LDLRAD4: variants seen among roughly 807,000 people sequenced by gnomAD.
The protein encoded by LDLRAD4 is low density lipoprotein receptor class A domain containing 4.
Under a neutral mutation model 17.0 loss-of-function variants are expected in LDLRAD4, and 5 were observed. That is an observed-to-expected ratio of 0.29 (90% CI 0.15 to 0.62). The LOEUF is 0.62. Ranked by LOEUF, LDLRAD4 falls within the 20% of genes least tolerant of loss-of-function variation. The probability of loss-of-function intolerance (pLI) is 0.84; values close to 1 mark genes in which losing one functional copy is unlikely to be tolerated. For missense variants in LDLRAD4, 340 were observed against 424.7 expected (o/e 0.80, Z 1.75); for synonymous variants, 168 against 171.8 (o/e 0.98, Z 0.17).
At chr18:13,301,831 G>A (rs2046621693) in intron 1 of LDLRAD4, among the ~76,000 whole-genome samples, 2 of 152,146 alleles carry the variant, frequency 1.3e-5, no homozygotes, top group South Asian at 4.1e-4. Context: ...TTCTCTGCAG[G>A]GTCTGAGGTG....
intron 1 of LDLRAD4, among the ~76,000 whole-genome samples, chr18:13,283,295 T>C (rs559034735): frequency 6.6e-6 from 1 of 152,360 alleles, no homozygotes; most frequent in Admixed American, 6.5e-5. Flanking sequence ...TCTTTTCTAT[T>C]GCATAGTCAG....
chr18:13,317,759 C>T (rs2081006992), intron 1 of LDLRAD4, among the ~76,000 whole-genome samples: 1 of 152,222 alleles, frequency 6.6e-6, no homozygotes, highest in Admixed American at 6.5e-5. Context: ...AAGAATAACC[C>T]AAAATATAAG....
At chr18:13,309,430 T>A (rs1222297442) in intron 1 of LDLRAD4, among the ~76,000 whole-genome samples, 1 of 152,212 alleles carries the variant, frequency 6.6e-6, no homozygotes, top group African/African-American at 2.4e-5. Context: ...AAGTAATTAT[T>A]AGATGTGCCA....
chr18:13,321,861 CAAAAA>C (rs57033432), intron 1 of LDLRAD4, among the ~76,000 whole-genome samples: 11 of 62,140 alleles, frequency 1.8e-4, no homozygotes, highest in African/African-American at 6.4e-4. Context: ...GACTCCGTCT[CAAAAA>C]AAAAAAAAAA....
intron 3 of LDLRAD4, among the ~76,000 whole-genome samples, chr18:13,599,989 T>C (rs2095142362): frequency 1.3e-5 from 2 of 152,222 alleles, no homozygotes; most frequent in Non-Finnish European, 2.9e-5. Context: ...TATATATCTT[T>C]TAAAAATAGA....
intron 1 of LDLRAD4, among the ~76,000 whole-genome samples, chr18:13,256,237 G>A (rs946444583): frequency 2.0e-5 from 3 of 152,186 alleles, no homozygotes; most frequent in Non-Finnish European, 4.4e-5. Flanking sequence ...CTGGATGTAG[G>A]GGGAGGCTTG....
Position 13,631,377 on chromosome 18 carries a change from C to G in LDLRAD4, c.336+10106C>G, listed in dbSNP as rs2041649131. ...AGATTGAACCAATGGTCTAAAATCT[C>G]CAACCTGGACCACATGGCTTCAGTG... On this transcript the variant is annotated intron_variant, in intron 4 of 5. Transcript: ENST00000359446. 3.3e-5 allele frequency among the ~76,000 whole-genome samples: 5 copies of G among 152,114 alleles called. No individual in the cohort carries two copies. The South Asian group carries it at 1.0e-3, about 32-fold the overall frequency.
chr18:13,377,250 C>A (rs1053563102), intron 1 of LDLRAD4, among the ~76,000 whole-genome samples: 1 of 152,208 alleles, frequency 6.6e-6, no homozygotes, highest in Non-Finnish European at 1.5e-5. Flanking sequence ...CTTCAGACAT[C>A]GGCTGAAATA....
intron 3 of LDLRAD4, among the ~76,000 whole-genome samples, chr18:13,619,806 C>T (rs1463317460): frequency 6.6e-6 from 1 of 152,140 alleles, no homozygotes; most frequent in Non-Finnish European, 1.5e-5. Flanking sequence ...TCCCACCAGC[C>T]TGGCCTCTCC....
chr18:13,249,116 T>G (rs562860300), intron 1 of LDLRAD4, among the ~76,000 whole-genome samples: 1 of 152,382 alleles, frequency 6.6e-6, no homozygotes, highest in South Asian at 2.1e-4. Flanking sequence ...CGCCATGGTG[T>G]ATATGTTCCA....
intron 2 of LDLRAD4, among the ~76,000 whole-genome samples, chr18:13,429,463 T>A (rs1004754920): frequency 3.9e-5 from 6 of 152,190 alleles, no homozygotes; most frequent in African/African-American, 1.4e-4. Context: ...ATATAATCAG[T>A]GTGTGTCAAA....
At chr18:13,606,359 C>G (rs191449585) in intron 3 of LDLRAD4, among the ~76,000 whole-genome samples, 1 of 152,290 alleles carries the variant, frequency 6.6e-6, no homozygotes, top group East Asian at 1.9e-4. Flanking sequence ...AACATAAACT[C>G]AAATCTGCTA....
At chr18:13,277,925 A>G (rs777616900), upstream of LDLRAD4, among the ~76,000 whole-genome samples, 78 of 152,116 alleles carry the variant, frequency 5.1e-4, no homozygotes, top group Non-Finnish European at 6.8e-4. Context: ...CTGTGCTGTA[A>G]TTCTTCTCTC....
At chr18:13,442,348 A>G (rs1422040807) in intron 3 of LDLRAD4, among the ~76,000 whole-genome samples, 4 of 152,272 alleles carry the variant, frequency 2.6e-5, no homozygotes, top group Admixed American at 1.3e-4. Flanking sequence ...GGGGATAGAG[A>G]GATTCATCCT....
chr18:13,369,696 C>G (rs909595794), intron 1 of LDLRAD4, among the ~76,000 whole-genome samples: 1 of 152,204 alleles, frequency 6.6e-6, no homozygotes, highest in South Asian at 2.1e-4. Context: ...ACTGCAGCAC[C>G]TTGGATAAAT....
chr18:13,572,693 A>G (rs1462037347), intron 3 of LDLRAD4, among the ~76,000 whole-genome samples: 1 of 152,184 alleles, frequency 6.6e-6, no homozygotes, highest in African/African-American at 2.4e-5. Context: ...AGAGATCACC[A>G]TTTTTTAGTT....
intron 1 of LDLRAD4, among the ~76,000 whole-genome samples, chr18:13,224,636 C>T (rs1413525382): frequency 1.3e-5 from 2 of 151,720 alleles, no homozygotes; most frequent in Non-Finnish European, 2.9e-5. Context: ...CGTGCCACCA[C>T]GCCCGGCTAA....
chr18:13,534,485 G>C (rs888580727), intron 3 of LDLRAD4, among the ~76,000 whole-genome samples: 1 of 152,000 alleles, frequency 6.6e-6, no homozygotes, highest in Non-Finnish European at 1.5e-5. Context: ...CCTTGCAACA[G>C]GAAAGCTTTA....
chr18:13,370,810 A>G (rs2084444364), intron 1 of LDLRAD4, among the ~76,000 whole-genome samples: 1 of 145,100 alleles, frequency 6.9e-6, no homozygotes, highest in African/African-American at 2.5e-5. Flanking sequence ...TCCTGGGTTC[A>G]AGCGATTCTC....
Sources: gnomAD v4.1 joint callset for allele counts (sites outside exome capture counted in the v4.1 genomes callset) on GRCh38, gnomAD v4.1.1 for gene constraint, MANE v1.5 for transcripts, NCBI Gene and HGNC (gene_info 2026-07-23, HGNC 2026-07-21) for gene names.